TTC28: variants seen among roughly 807,000 people sequenced by gnomAD.
TTC28 encodes the protein tetratricopeptide repeat domain 28.
TTC28 carries 61 observed loss-of-function variants against 198.0 expected under a neutral mutation model. The ratio of observed to expected loss-of-function variants is 0.31; its 90% CI spans 0.25 to 0.38. The LOEUF (loss-of-function observed/expected upper bound fraction) is 0.38, where lower values mean the gene tolerates loss of function less well. Ranked by LOEUF, TTC28 falls within the 10% of genes least tolerant of loss-of-function variation. TTC28 has a pLI of 1.00. For missense variants in TTC28, 2,678 were observed against 3,164.0 expected (o/e 0.85, Z 3.69); for synonymous variants, 1,171 against 1,297.8 (o/e 0.90, Z 2.10).
chr22:28,582,372 C>T (rs760699576), intron 2 of TTC28, among the ~76,000 whole-genome samples: 6 of 151,818 alleles, frequency 4.0e-5, no homozygotes, highest in Non-Finnish European at 8.8e-5. Context: ...CTAAATAATC[C>T]AAGATGTTGA....
intron 2 of TTC28, among the ~76,000 whole-genome samples, chr22:28,387,955 T>C (rs555999153): frequency 2.0e-5 from 3 of 152,328 alleles, no homozygotes; most frequent in Admixed American, 6.5e-5. Flanking sequence ...CTAGGTTTTC[T>C]TCTAGGGTTT....
chr22:28,386,615 A>G (rs2046601552), intron 2 of TTC28, among the ~76,000 whole-genome samples: 1 of 152,154 alleles, frequency 6.6e-6, no homozygotes. Flanking sequence ...TTTCTATACT[A>G]TGACTCCATA....
chr22:28,211,943 A>G (rs973304247), intron 5 of TTC28, among the ~76,000 whole-genome samples: 14 of 152,200 alleles, frequency 9.2e-5, no homozygotes, highest in Admixed American at 6.5e-4. Flanking sequence ...ACCACAGTGC[A>G]ATCAAATTAG....
intron 8 of TTC28, among the ~76,000 whole-genome samples, chr22:28,102,280 A>AT: frequency 6.6e-6 from 1 of 152,248 alleles, no homozygotes; most frequent in Non-Finnish European, 1.5e-5. Flanking sequence ...TGTCTAATCT[A>AT]TTTTCCTTTT....
At chr22:28,676,952 C>CA (rs1401066757) in intron 1 of TTC28, among the ~76,000 whole-genome samples, 1 of 151,444 alleles carries the variant, frequency 6.6e-6, no homozygotes, top group Non-Finnish European at 1.5e-5. Flanking sequence ...ATCGGGAGTT[C>CA]AAAACCAGCC....
intron 12 of TTC28, among the ~76,000 whole-genome samples, chr22:28,084,932 C>G (rs868689238): frequency 9.9e-5 from 15 of 151,980 alleles, no homozygotes; most frequent in Non-Finnish European, 1.6e-4. Context: ...CGAAATGAAT[C>G]AAATGAAACG....
chr22:28,250,283 G>T (rs1357343977), intron 5 of TTC28, among the ~76,000 whole-genome samples: 1 of 152,144 alleles, frequency 6.6e-6, no homozygotes, highest in Non-Finnish European at 1.5e-5. Flanking sequence ...AAATTGAAAA[G>T]ACTATTTAGG....
chr22:28,333,672 C>T (rs533761070), intron 2 of TTC28, among the ~76,000 whole-genome samples: 1 of 152,198 alleles, frequency 6.6e-6, no homozygotes, highest in Admixed American at 6.5e-5. Flanking sequence ...ATTTCAGCTC[C>T]TCCTTCCAAA....
At chr22:28,014,861 C>T (rs1160019616) in intron 13 of TTC28, among the ~76,000 whole-genome samples, 1 of 152,240 alleles carries the variant, frequency 6.6e-6, no homozygotes, top group Non-Finnish European at 1.5e-5. Flanking sequence ...TGAGCACCCA[C>T]CTGAGCCCCA....
chr22:28,119,829 G>A (rs559491883), intron 6 of TTC28, among the ~76,000 whole-genome samples: 114 of 152,326 alleles, frequency 7.5e-4, no homozygotes, highest in Middle Eastern at 3.4e-3. Flanking sequence ...TCATCCAGCT[G>A]AAGTTGTTAA....
chr22:27,982,738 G>T lies in TTC28; in HGVS notation c.6929C>A (p.Ser2310Tyr). 1 of 1,551,560 alleles carries T rather than the reference G, an allele frequency of 6.4e-7. No homozygotes were observed. The highest frequency in any genetic ancestry group is 8.7e-7 in the Non-Finnish European group (1 of 1,146,918). Residue 2310 changes from serine (S) to tyrosine (Y), a missense_variant, in exon 23 of 23, where the codon TCC becomes TAC. Transcript: ENST00000397906. The surrounding 1 kb of genome is among the most constrained non-coding windows in gnomAD (Gnocchi z 5.2). Reference sequence around the variant, plus strand: ...ACTGCCAGCAGGAGACTGGTGGCCGGAGCTTGGGGACATGTTCCTTGGTGA... The same window carrying T: ...ACTGCCAGCAGGAGACTGGTGGCCGTAGCTTGGGGACATGTTCCTTGGTGA... ...SKSPRNMSPS[S>Y]GHQSPAGSAP...
chr22:28,179,820 A>G (rs147561343), intron 5 of TTC28, among the ~76,000 whole-genome samples: 1 of 152,260 alleles, frequency 6.6e-6, no homozygotes, highest in African/African-American at 2.4e-5. Context: ...GACCAATACA[A>G]TACTGAGCAT....
At position 28,553,103 on chromosome 22, in the gene TTC28, G is replaced by A. The variant is rs181692290; in HGVS notation, c.381+76449C>T. Among the ~76,000 whole-genome samples, 801 of 152,322 alleles carry A rather than the reference G, an allele frequency of 5.3e-3. 3 individuals carry two copies. The highest frequency in any genetic ancestry group is 7.7e-3 in the Non-Finnish European group (523 of 68,028). On this transcript the variant is annotated intron_variant, in intron 2 of 22. Transcript: ENST00000397906. ...TTCACTCAGTGCTCAATGGTGCCCA[G>A]GCTGGAGTGCAGTGGCGTGATCTCC... is the stretch of plus-strand genomic sequence containing the variant.
At chr22:28,558,685 A>G (rs187617874) in intron 2 of TTC28, among the ~76,000 whole-genome samples, 1 of 151,482 alleles carries the variant, frequency 6.6e-6, no homozygotes, top group East Asian at 1.9e-4. Context: ...CAAAAAAATA[A>G]AAAAGAAAAA....
chr22:28,672,868 G>A (rs543259827), intron 1 of TTC28, among the ~76,000 whole-genome samples: 50 of 152,320 alleles, frequency 3.3e-4, no homozygotes, highest in African/African-American at 1.1e-3. Flanking sequence ...CTGCCCCTAG[G>A]CAAGGACGTG....
intron 2 of TTC28, among the ~76,000 whole-genome samples, chr22:28,422,968 T>C (rs1472416112): frequency 2.6e-5 from 4 of 152,182 alleles, no homozygotes; most frequent in South Asian, 2.1e-4. Flanking sequence ...TCACTTAAAA[T>C]AGTGAAAGCA....
At chr22:28,078,700 G>A (rs1333143888) in intron 12 of TTC28, among the ~76,000 whole-genome samples, 2 of 152,006 alleles carry the variant, frequency 1.3e-5, no homozygotes, top group African/African-American at 4.8e-5. Context: ...AGGGAGAAGC[G>A]CTTCATTTGC....
chr22:28,022,420 C>G (rs915380668), intron 13 of TTC28, among the ~76,000 whole-genome samples: 5 of 152,244 alleles, frequency 3.3e-5, no homozygotes, highest in African/African-American at 1.2e-4. Flanking sequence ...GTCTTTATTG[C>G]GCATATTCAC....
chr22:28,029,574 T>C (rs949241316), intron 13 of TTC28, among the ~76,000 whole-genome samples: 2 of 152,204 alleles, frequency 1.3e-5, no homozygotes, highest in African/African-American at 4.8e-5. Context: ...CAGGTGTCCC[T>C]CAACCCCAAC....
Sources: allele counts gnomAD v4.1 joint callset (sites outside exome capture counted in the v4.1 genomes callset), GRCh38; gene constraint gnomAD v4.1.1; non-coding constraint Gnocchi (gnomAD v3.1); transcripts MANE v1.5; gene names NCBI Gene and HGNC (gene_info 2026-07-23, HGNC 2026-07-21).